The following SAMD4A variants were observed in gnomAD, a reference collection of about 807,000 sequenced individuals.
The protein encoded by SAMD4A is protein Smaug homolog 1.
A neutral mutation model predicts 81.3 loss-of-function variants in SAMD4A; 33 were observed. That is an observed-to-expected ratio of 0.41 (90% CI 0.31 to 0.54). SAMD4A has a LOEUF of 0.54. SAMD4A is among the 20% of genes least tolerant of loss of function. The pLI, the probability that SAMD4A is intolerant of heterozygous loss-of-function variation, is 0.37. For synonymous variants in SAMD4A, 389 were observed against 382.1 expected, an observed-to-expected ratio of 1.02 and a Z score of -0.21; for missense variants, 854 against 951.1, an observed-to-expected ratio of 0.90 and a Z score of 1.34.
rs1207828160 is a variant in SAMD4A at position 54,792,243 on chromosome 14, A to T, written c.*3299A>T. The T allele has an allele frequency of 6.6e-6, 1 of 152,206 alleles. No homozygotes were observed. The highest frequency in any genetic ancestry group is 1.5e-5 in the Non-Finnish European group (1 of 68,036). The allele number at this position is 152,206 out of a possible 1,614,324, so 9.4% of individuals were successfully genotyped here. ...TCTGCCTGTCCGGGCGGCTCTTTGC[A>T]CCGAGCTCTCAAATCCTGTGTATTG... is the stretch of plus-strand genomic sequence containing the variant. On this transcript the variant is annotated 3_prime_UTR_variant, in exon 13 of 13. Transcript: ENST00000554335.
At chr14:54,767,736 G>A (rs2038590055) in intron 8 of SAMD4A, among the ~76,000 whole-genome samples, 1 of 152,178 alleles carries the variant, frequency 6.6e-6, no homozygotes, top group South Asian at 2.1e-4. Flanking sequence ...CAGCGGAGGG[G>A]GCTGCAGTGA....
intron 4 of SAMD4A, among the ~76,000 whole-genome samples, chr14:54,748,293 G>C (rs1456992220): frequency 3.3e-5 from 5 of 152,208 alleles, no homozygotes; most frequent in Non-Finnish European, 7.3e-5. Context: ...TCCTATCACT[G>C]TAGGAGTGGC....
chr14:54,639,028 G>A (rs1180634004), intron 2 of SAMD4A, among the ~76,000 whole-genome samples: 3 of 152,126 alleles, frequency 2.0e-5, no homozygotes, highest in Non-Finnish European at 4.4e-5. Context: ...CTCACTAGAT[G>A]CCTGAGCAAG....
chr14:54,743,752 T>C (rs138625811), intron 4 of SAMD4A, among the ~76,000 whole-genome samples: 3 of 152,302 alleles, frequency 2.0e-5, no homozygotes, highest in Non-Finnish European at 2.9e-5. Flanking sequence ...GAGGCCTCCA[T>C]GGACACTTCC....
intron 2 of SAMD4A, among the ~76,000 whole-genome samples, chr14:54,674,164 C>T (rs1221539277): frequency 6.6e-6 from 1 of 152,180 alleles, no homozygotes; most frequent in Non-Finnish European, 1.5e-5. Flanking sequence ...GCAAAGGAGG[C>T]CTAGGTCCCT....
intron 2 of SAMD4A, among the ~76,000 whole-genome samples, chr14:54,574,028 T>G (rs927868438): frequency 1.3e-5 from 2 of 152,182 alleles, no homozygotes; most frequent in Admixed American, 6.5e-5. Context: ...TTTTACACAG[T>G]AGATAATACA....
At chr14:54,579,345 A>G (rs1048173175) in intron 2 of SAMD4A, among the ~76,000 whole-genome samples, 1 of 152,252 alleles carries the variant, frequency 6.6e-6, no homozygotes, top group Non-Finnish European at 1.5e-5. Context: ...CATTTTCCAG[A>G]TGAGGAAACT....
chr14:54,609,826 A>T (rs1173864495), intron 2 of SAMD4A, among the ~76,000 whole-genome samples: 1 of 152,210 alleles, frequency 6.6e-6, no homozygotes, highest in East Asian at 1.9e-4. Context: ...CAGTATTAAA[A>T]CTTGCTTACA....
At position 54,737,186 on chromosome 14, in the gene SAMD4A, C is replaced by T; in HGVS notation, c.878C>T (p.Pro293Leu). 6.2e-7 allele frequency: 1 copy of T among 1,614,128 alleles called. No individual in the cohort carries two copies. The highest frequency in any genetic ancestry group is 8.5e-7 in the Non-Finnish European group (1 of 1,180,020). Residue 293 changes from proline to leucine, a missense_variant, in exon 4 of 13, where the codon CCA becomes CTA. Physicochemically the swap from Pro to Leu is moderately conservative, Grantham distance 98. Around this residue, in one of 3 missense-constraint regions of SAMD4A, gnomAD observed 387 missense variants for 405.8 expected, o/e 0.95. Transcript: ENST00000554335. Reference protein sequence around the residue: ...CLPSDHAPLSPQSSVASSGSG... With the variant: ...CLPSDHAPLSLQSSVASSGSG... ...CCATCCGATCATGCCCCCCTGTCTCCACAAAGCAGTGTAGCCTCTTCAGGA... is the reference window on the plus strand; with the variant it reads ...CCATCCGATCATGCCCCCCTGTCTCTACAAAGCAGTGTAGCCTCTTCAGGA...
chr14:54,780,917 CCT>C (rs1282306280), intron 11 of SAMD4A, among the ~76,000 whole-genome samples: 1 of 152,070 alleles, frequency 6.6e-6, no homozygotes, highest in Non-Finnish European at 1.5e-5. Flanking sequence ...CTGCCCCACC[CCT>C]CTGTTTCCCT....
intron 2 of SAMD4A, among the ~76,000 whole-genome samples, chr14:54,597,586 T>A (rs1196141522): frequency 1.7e-5 from 2 of 118,602 alleles, no homozygotes; most frequent in African/African-American, 6.1e-5. Flanking sequence ...CCTTCTATCT[T>A]TTTTTTTTTT....
chr14:54,748,167 C>A (rs1357783460), intron 4 of SAMD4A, among the ~76,000 whole-genome samples: 2 of 152,170 alleles, frequency 1.3e-5, no homozygotes, highest in African/African-American at 4.8e-5. Context: ...AGCGGACACA[C>A]CCCCACGACA....
intron 2 of SAMD4A, among the ~76,000 whole-genome samples, chr14:54,664,207 C>A (rs192068833): frequency 2.6e-5 from 4 of 151,896 alleles, no homozygotes; most frequent in African/African-American, 9.7e-5. Context: ...AGAAAGAGAA[C>A]CTGAAAATCA....
At chr14:54,721,740 C>G (rs2037267763) in intron 3 of SAMD4A, among the ~76,000 whole-genome samples, 1 of 152,116 alleles carries the variant, frequency 6.6e-6, no homozygotes, top group Non-Finnish European at 1.5e-5. Flanking sequence ...ATTGTCTTAT[C>G]CAGAAACTAG....
chr14:54,607,536 A>G (rs1566544708), intron 2 of SAMD4A, among the ~76,000 whole-genome samples: 1 of 151,290 alleles, frequency 6.6e-6, no homozygotes, highest in Non-Finnish European at 1.5e-5. Context: ...GCTCACTGCA[A>G]GCTCCGCCTC....
intron 2 of SAMD4A, among the ~76,000 whole-genome samples, chr14:54,573,463 A>C (rs969723492): frequency 1.3e-5 from 2 of 152,206 alleles, no homozygotes; most frequent in African/African-American, 4.8e-5. Flanking sequence ...TGACAACACC[A>C]GAGAAGAGGG....
rs577506181 is a variant in SAMD4A, at chr14:54,784,391, G to A, written c.2045-146G>A. 5.1e-5 allele frequency: 81 copies of A among 1,580,350 alleles called. No individual in the cohort carries two copies. In the African/African-American group the frequency reaches 5.4e-4, roughly 10 times the overall value. ...TTAACAGACCTTAGAGGTTGGTTGA[G>A]CCTGAGTGGAGCCCCTTCCATGCCA... On this transcript the variant is annotated intron_variant, in intron 11 of 12. Transcript: ENST00000554335.
Position 54,748,939 on chromosome 14 carries a change from T to A in SAMD4A, c.1089+15T>A. On this transcript the variant is annotated intron_variant, in intron 5 of 12. Transcript: ENST00000554335. ...TGGAGGCGCAGGTATGTGCTTGAGG[T>A]GACTGTTCCCTGAGAGGGTGCCCCA... 1 of 1,536,520 alleles carries A rather than the reference T, an allele frequency of 6.5e-7. No homozygotes were observed. Among genetic ancestry groups the A allele is most frequent in the Non-Finnish European group, 8.8e-7 (1 of 1,133,290 alleles).
Position 54,776,514 on chromosome 14 carries a change from A to G in SAMD4A, c.2018A>G (p.Gln673Arg). Residue 673 changes from glutamine to arginine, a missense_variant, in exon 11 of 13, where the codon CAG (glutamine) becomes CGG (arginine). Gln to Arg is a conservative substitution (Grantham distance 43). Coordinates refer to ENST00000554335, the MANE Select transcript of SAMD4A (RefSeq NM_015589.6). ...TCGCTGCCCGTGCACACTTCCCCAC[A>G]GAACATGCTGATGTTCCAGCAGCCA... Reference protein sequence around the residue: ...TRSLPVHTSPQNMLMFQQPEF... With the variant: ...TRSLPVHTSPRNMLMFQQPEF... The G allele has an allele frequency of 6.3e-7, 1 of 1,583,808 alleles. No individual in the cohort carries two copies. The highest frequency in any genetic ancestry group is 8.6e-7 in the Non-Finnish European group (1 of 1,166,178).
Sources: allele counts gnomAD v4.1 joint callset (sites outside exome capture counted in the v4.1 genomes callset), GRCh38; gene constraint gnomAD v4.1.1; regional missense constraint gnomAD v4.1.1; transcripts MANE v1.5; gene names NCBI Gene and HGNC (gene_info 2026-07-23, HGNC 2026-07-21).